Variants in SWT1 observed in about 807,000 individuals in gnomAD.
The protein encoded by SWT1 is transcriptional protein SWT1.
SWT1 carries 33 observed loss-of-function variants against 107.3 expected under a neutral mutation model. The observed-to-expected ratio is 0.31, with a 90% CI of 0.23 to 0.41. The LOEUF (loss-of-function observed/expected upper bound fraction) is 0.41, where lower values mean the gene tolerates loss of function less well. Ranked by LOEUF, SWT1 falls within the 10% of genes least tolerant of loss-of-function variation. The pLI is 1.00. For missense variants in SWT1, 898 were observed against 1,028.9 expected (o/e 0.87, Z 1.74); for synonymous variants, 345 against 348.3 (o/e 0.99, Z 0.11).
intron 18 of SWT1, among the ~76,000 whole-genome samples, chr1:185,279,214 C>T (rs1664454300): frequency 6.6e-6 from 1 of 152,156 alleles, no homozygotes; most frequent in African/African-American, 2.4e-5. Flanking sequence ...AATATAACAT[C>T]TTCCAACCTT....
intron 15 of SWT1, among the ~76,000 whole-genome samples, chr1:185,224,436 G>T (rs1448612577): frequency 1.3e-5 from 2 of 151,914 alleles, no homozygotes; most frequent in African/African-American, 4.8e-5. Flanking sequence ...CTCCAGCTTT[G>T]TTCTTTTTGC....
chr1:185,197,787 G>T (rs1325026274), intron 10 of SWT1, among the ~76,000 whole-genome samples: 1 of 152,100 alleles, frequency 6.6e-6, no homozygotes, highest in Non-Finnish European at 1.5e-5. Context: ...GTATTTCTGT[G>T]GGATGGGTGG....
chr1:185,220,558 C>T (rs1207199912), intron 14 of SWT1, among the ~76,000 whole-genome samples: 1 of 152,112 alleles, frequency 6.6e-6, no homozygotes. Context: ...TCTCCTAAGA[C>T]TTGTCTCCAT....
At chr1:185,270,766 GTCAA>G (rs964733385) in intron 16 of SWT1, among the ~76,000 whole-genome samples, 56 of 152,172 alleles carry the variant, frequency 3.7e-4, no homozygotes, top group African/African-American at 1.3e-3. Flanking sequence ...TTATTTTTTT[GTCAA>G]TCAGTGTTAT....
chr1:185,270,286 C>CTT (rs79137703), intron 16 of SWT1, among the ~76,000 whole-genome samples: 2 of 104,860 alleles, frequency 1.9e-5, no homozygotes, highest in Admixed American at 9.4e-5. Flanking sequence ...GTTTACTTTC[C>CTT]TTTTTTTTTT....
intron 13 of SWT1, among the ~76,000 whole-genome samples, chr1:185,207,553 A>G (rs1285787417): frequency 1.3e-5 from 2 of 152,250 alleles, no homozygotes; most frequent in African/African-American, 4.8e-5. Context: ...CAAGTAAACT[A>G]GTCTTGAAAC....
At chr1:185,166,801 GTT>G (rs1247475335) in intron 3 of SWT1, 149 bp downstream of exon 3, 2 of 581,924 alleles carry the variant, frequency 3.4e-6, no homozygotes, top group African/African-American at 3.8e-5. Context: ...CATTTATCAA[GTT>G]TTATTATTTC....
intron 4 of SWT1, among the ~76,000 whole-genome samples, chr1:185,168,676 G>A (rs1352128254): frequency 2.0e-5 from 3 of 152,120 alleles, no homozygotes; most frequent in African/African-American, 4.8e-5. Context: ...TGTAACATGC[G>A]TAACTTCATT....
At position 185,174,467 on chromosome 1, in the gene SWT1, A is replaced by T; in HGVS notation, c.320A>T (p.Asp107Val). 6.2e-7 allele frequency: 1 copy of T among 1,610,760 alleles called. No individual in the cohort carries two copies. ...IKLKEASYSNDNQIILQSPSS... is the reference protein window; with the variant it reads ...IKLKEASYSNVNQIILQSPSS... Reference sequence around the variant, plus strand: ...CTCAAAGAAGCATCATATTCAAATGATAATCAAATTATTTTGCAGAGTCCT... The same window carrying T: ...CTCAAAGAAGCATCATATTCAAATGTTAATCAAATTATTTTGCAGAGTCCT... The change falls in exon 5 of 19, where the codon GAT becomes GTT. Residue 107 changes from aspartate (D) to valine (V), a missense_variant. By Grantham distance (152) the Asp-to-Val change is radical. Coordinates refer to ENST00000367500, the MANE Select transcript of SWT1 (RefSeq NM_017673.7).
At chr1:185,266,908 G>T (rs191481662) in intron 16 of SWT1, among the ~76,000 whole-genome samples, 235 of 152,178 alleles carry the variant, frequency 1.5e-3, no homozygotes, top group Non-Finnish European at 2.6e-3. Flanking sequence ...GAAATAATTT[G>T]CCAGAAGCAT....
At chr1:185,208,961 G>T (rs1658551329) in intron 13 of SWT1, among the ~76,000 whole-genome samples, 1 of 151,986 alleles carries the variant, frequency 6.6e-6, no homozygotes, top group African/African-American at 2.4e-5. Context: ...TAGTTCATTG[G>T]TGGAGACACT....
intron 3 of SWT1, among the ~76,000 whole-genome samples, chr1:185,167,844 G>A (rs1360317888): frequency 2.6e-5 from 4 of 151,930 alleles, no homozygotes; most frequent in African/African-American, 4.8e-5. Context: ...TGTTTTCCTA[G>A]GTACTTTTCC....
intron 16 of SWT1, among the ~76,000 whole-genome samples, chr1:185,250,701 C>T (rs568365310): frequency 2.0e-5 from 3 of 152,092 alleles, no homozygotes; most frequent in South Asian, 2.1e-4. Flanking sequence ...CTTGCTGTGT[C>T]GCCCATGCTG....
intron 14 of SWT1, among the ~76,000 whole-genome samples, chr1:185,218,118 C>A (rs1192921107): frequency 1.3e-5 from 2 of 152,056 alleles, no homozygotes; most frequent in Non-Finnish European, 2.9e-5. Context: ...TGATATATGT[C>A]TTATATATTT....
chr1:185,209,797 C>A (rs1158827231), intron 13 of SWT1, among the ~76,000 whole-genome samples: 2 of 152,138 alleles, frequency 1.3e-5, no homozygotes, highest in Non-Finnish European at 2.9e-5. Flanking sequence ...GAGGAATCAC[C>A]ACACTGTCTT....
rs138437967 is a variant in SWT1 at position 185,237,235 on chromosome 1, T to C, written c.2441+5527T>C. On this transcript the variant is annotated intron_variant, in intron 16 of 18. Transcript: ENST00000367500. Reference sequence around the variant, plus strand: ...CAAAGGACTATATGTCATTCCACTATAAAAACACATGCACACATATGTTTA... The same window carrying C: ...CAAAGGACTATATGTCATTCCACTACAAAAACACATGCACACATATGTTTA... Among the ~76,000 whole-genome samples, 23 of 152,286 alleles carry C rather than the reference T, an allele frequency of 1.5e-4. 1 individual carries two copies. The East Asian group carries it at 4.2e-3, about 28-fold the overall frequency.
At chr1:185,167,326 C>A (rs6674490) in intron 3 of SWT1, among the ~76,000 whole-genome samples, 76,285 of 151,980 alleles carry the variant, frequency 0.5, 20,661 homozygotes, top group African/African-American at 0.72. Flanking sequence ...CACTGTCATA[C>A]AAATAGTTAG....
chr1:185,264,037 T>A (rs1366598231), intron 16 of SWT1: 1 of 152,236 alleles, frequency 6.6e-6, no homozygotes, highest in Non-Finnish European at 1.5e-5. Context: ...CTGAGTGTGC[T>A]CCTGGATTCT....
intron 15 of SWT1, chr1:185,227,784 T>C (rs1344844219): frequency 8.2e-6 from 3 of 365,564 alleles, no homozygotes; most frequent in Non-Finnish European, 1.6e-5. Flanking sequence ...GCGAGACATT[T>C]TTAAAAATGT....
Sources: gnomAD v4.1 joint callset for allele counts (sites outside exome capture counted in the v4.1 genomes callset) on GRCh38, gnomAD v4.1.1 for gene constraint, MANE v1.5 for transcripts, NCBI Gene and HGNC (gene_info 2026-07-23, HGNC 2026-07-21) for gene names.